ADGRL3: variants seen among roughly 807,000 people sequenced by gnomAD.
ADGRL3 encodes the protein adhesion G protein-coupled receptor L3.
A neutral mutation model predicts 153.5 loss-of-function variants in ADGRL3; 62 were observed. That is an observed-to-expected ratio of 0.40 (90% confidence interval 0.33 to 0.50). The LOEUF (loss-of-function observed/expected upper bound fraction) is 0.50, where lower values mean the gene tolerates loss of function less well. Ranked by LOEUF, ADGRL3 falls within the 20% of genes least tolerant of loss-of-function variation. ADGRL3 has a pLI of 0.47. For missense variants in ADGRL3, 1,641 were observed against 1,859.4 expected, an observed-to-expected ratio of 0.88 and a Z score of 2.16; for synonymous variants, 710 against 672.5, an observed-to-expected ratio of 1.06 and a Z score of -0.86.
At chr4:61,260,736 A>G (rs576650045) in intron 1 of ADGRL3, among the ~76,000 whole-genome samples, 1 of 118,008 alleles carries the variant, frequency 8.5e-6, no homozygotes, top group African/African-American at 2.9e-5. Context: ...AATTTTTTTT[A>G]TTTTTTTGAG....
intron 5 of ADGRL3, among the ~76,000 whole-genome samples, chr4:61,622,992 C>T (rs997930347): frequency 2.6e-5 from 4 of 151,948 alleles, no homozygotes; most frequent in East Asian, 3.9e-4. Flanking sequence ...AGGGAAACAA[C>T]GTTCAAAAAA....
At chr4:61,630,160 C>A (rs551529981) in intron 5 of ADGRL3, among the ~76,000 whole-genome samples, 1 of 152,172 alleles carries the variant, frequency 6.6e-6, no homozygotes, top group East Asian at 1.9e-4. Context: ...GAGTATTATC[C>A]CAGTTTTCTG....
At chr4:61,546,748 A>G (rs1423793065) in intron 4 of ADGRL3, among the ~76,000 whole-genome samples, 1 of 152,218 alleles carries the variant, frequency 6.6e-6, no homozygotes, top group Non-Finnish European at 1.5e-5. Context: ...AATGCAGACT[A>G]AAGTTAAAAG....
intron 5 of ADGRL3, among the ~76,000 whole-genome samples, chr4:61,644,118 G>T (rs1442687321): frequency 1.0e-5 from 1 of 97,308 alleles, no homozygotes. Context: ...TTGTATTTCT[G>T]TGGGATCGGT....
intron 5 of ADGRL3, among the ~76,000 whole-genome samples, chr4:61,616,052 G>T (rs1318476693): frequency 6.6e-6 from 1 of 152,060 alleles, no homozygotes; most frequent in Non-Finnish European, 1.5e-5. Context: ...AGGTCATATT[G>T]AACATTATGA....
intron 1 of ADGRL3, among the ~76,000 whole-genome samples, chr4:61,282,574 T>C (rs1350170062): frequency 6.6e-6 from 1 of 152,010 alleles, no homozygotes; most frequent in African/African-American, 2.4e-5. Flanking sequence ...AACCATAACA[T>C]TTTGAGTTTT....
intron 1 of ADGRL3, among the ~76,000 whole-genome samples, chr4:61,335,418 A>G (rs2095655117): frequency 6.6e-6 from 1 of 152,168 alleles, no homozygotes; most frequent in African/African-American, 2.4e-5. Flanking sequence ...ATCTTTTCTC[A>G]TTCATTTGCT....
At chr4:61,371,885 G>C (rs944506389) in intron 1 of ADGRL3, among the ~76,000 whole-genome samples, 2 of 151,956 alleles carry the variant, frequency 1.3e-5, no homozygotes, top group Admixed American at 1.3e-4. Flanking sequence ...ATGTAGATTT[G>C]GTCTTTTCAC....
chr4:62,069,756 A>G (rs746766774), intron 26 of ADGRL3, among the ~76,000 whole-genome samples: 2 of 152,148 alleles, frequency 1.3e-5, no homozygotes, highest in Non-Finnish European at 2.9e-5. Context: ...ATGAATGACT[A>G]CACCAAAATT....
chr4:61,779,158 A>G (rs751933248), intron 8 of ADGRL3, among the ~76,000 whole-genome samples: 2 of 152,102 alleles, frequency 1.3e-5, no homozygotes, highest in African/African-American at 4.8e-5. Flanking sequence ...GTGATCAGTG[A>G]GTTTAAATTA....
At chr4:61,961,147 A>G (rs2098986352) in intron 17 of ADGRL3, among the ~76,000 whole-genome samples, 1 of 152,124 alleles carries the variant, frequency 6.6e-6, no homozygotes. Context: ...ATAATTGTCT[A>G]GAACTAGATA....
At chr4:61,444,874 G>C (rs770660011) in intron 2 of ADGRL3, among the ~76,000 whole-genome samples, 1 of 151,972 alleles carries the variant, frequency 6.6e-6, no homozygotes, top group Non-Finnish European at 1.5e-5. Flanking sequence ...GCAACATGGC[G>C]AAACCTTGTC....
intron 2 of ADGRL3, among the ~76,000 whole-genome samples, chr4:61,409,183 T>C (rs2097047780): frequency 7.1e-6 from 1 of 140,384 alleles, no homozygotes; most frequent in South Asian, 2.1e-4. Flanking sequence ...AATTTTATTA[T>C]ATATATAATA....
chr4:61,370,221 C>A (rs998715777), intron 1 of ADGRL3, among the ~76,000 whole-genome samples: 1 of 151,278 alleles, frequency 6.6e-6, no homozygotes, highest in African/African-American at 2.4e-5. Flanking sequence ...TTTTGTGTCT[C>A]TATTTCCTTC....
intron 1 of ADGRL3, among the ~76,000 whole-genome samples, chr4:61,242,989 G>A (rs917192669): frequency 1.3e-5 from 2 of 152,018 alleles, no homozygotes; most frequent in Non-Finnish European, 2.9e-5. Context: ...TGAGAAAATA[G>A]GGCAAGTGCC....
chr4:61,720,594 A>AATG (rs1554012307), intron 6 of ADGRL3, among the ~76,000 whole-genome samples: 1 of 152,194 alleles, frequency 6.6e-6, no homozygotes, highest in Non-Finnish European at 1.5e-5. Context: ...CTCTTTAATC[A>AATG]GTGGAGATAT....
chr4:61,380,328 C>G (rs1426991924), intron 1 of ADGRL3, among the ~76,000 whole-genome samples: 2 of 151,906 alleles, frequency 1.3e-5, no homozygotes, highest in Non-Finnish European at 1.5e-5. Context: ...TGAATTCATA[C>G]CAACTAGAGC....
intron 5 of ADGRL3, among the ~76,000 whole-genome samples, chr4:61,662,482 G>A (rs1037960129): frequency 6.6e-5 from 10 of 152,214 alleles, no homozygotes; most frequent in Admixed American, 2.6e-4. Flanking sequence ...CATACCAGCC[G>A]CCTGCTGCCT....
At chr4:61,857,590 A>T (rs1222333575) in intron 9 of ADGRL3, among the ~76,000 whole-genome samples, 1 of 151,566 alleles carries the variant, frequency 6.6e-6, no homozygotes, top group Non-Finnish European at 1.5e-5. Flanking sequence ...TAGATTATAC[A>T]CAGCCGAGAA....
Sources: allele counts gnomAD v4.1 joint callset (sites outside exome capture counted in the v4.1 genomes callset), GRCh38; gene constraint gnomAD v4.1.1; transcripts MANE v1.5; gene names NCBI Gene and HGNC (gene_info 2026-07-23, HGNC 2026-07-21).